The following AFF3 variants were observed in gnomAD, a reference collection of about 807,000 sequenced individuals.
AFF3 encodes ALF transcription elongation factor 3.
AFF3 carries 32 observed loss-of-function variants against 129.7 expected under a neutral mutation model. The observed-to-expected ratio is 0.25, with a 90% CI of 0.19 to 0.33. AFF3 has a LOEUF of 0.33. Among genes scored for constraint, AFF3 ranks in the 10% least tolerant of loss-of-function variants. AFF3 has a pLI of 1.00. For missense variants in AFF3, 1,373 were observed against 1,592.0 expected, an observed-to-expected ratio of 0.86 and a Z score of 2.34; for synonymous variants, 644 against 635.4, an observed-to-expected ratio of 1.01 and a Z score of -0.20.
At chr2:100,099,197 G>C (rs1433603229) in intron 4 of AFF3, among the ~76,000 whole-genome samples, 1 of 150,232 alleles carries the variant, frequency 6.7e-6, no homozygotes, top group Non-Finnish European at 1.5e-5. Flanking sequence ...CATAAGGACT[G>C]ACCAAAAGGA....
intron 8 of AFF3, among the ~76,000 whole-genome samples, chr2:99,786,670 A>G (rs942678335): frequency 1.3e-5 from 2 of 152,174 alleles, no homozygotes; most frequent in African/African-American, 4.8e-5. Context: ...GTAGTGCTAT[A>G]AAGTTGCATA....
At chr2:100,010,479 T>C (rs1478981057) in intron 4 of AFF3, among the ~76,000 whole-genome samples, 4 of 152,192 alleles carry the variant, frequency 2.6e-5, no homozygotes, top group Non-Finnish European at 5.9e-5. Context: ...TTAATTTAAA[T>C]TTAAGGTTAG....
chr2:100,139,473 A>T (rs1692774822), intron 1 of AFF3, among the ~76,000 whole-genome samples: 1 of 152,170 alleles, frequency 6.6e-6, no homozygotes, highest in Admixed American at 6.5e-5. Context: ...AATAAATCAA[A>T]TTGTCGTGTT....
At chr2:99,706,501 G>GCCT (rs1677404714) in intron 11 of AFF3, among the ~76,000 whole-genome samples, 1 of 152,196 alleles carries the variant, frequency 6.6e-6, no homozygotes, top group South Asian at 2.1e-4. Flanking sequence ...TCTGGAAAGA[G>GCCT]CCTGGCTTTG....
Position 99,745,040 on chromosome 2 carries a change from T to C in AFF3, c.1003-900A>G, listed in dbSNP as rs373040205. Among the ~76,000 whole-genome samples the C allele has an allele frequency of 9.5e-4, 145 of 152,286 alleles. 1 individual carries two copies. The highest frequency in any genetic ancestry group is 3.3e-3 in the African/African-American group (139 of 41,572). The stretch of plus-strand genomic sequence containing the variant: ...ATTTATCTACACCCTTGTCAATGCT[T>C]GTTATTTTCCATTAAAAAATGATAG... On this transcript the variant is annotated intron_variant, in intron 9 of 24. Transcript: ENST00000672756.
chr2:99,866,726 C>T (rs1359993082), intron 7 of AFF3, among the ~76,000 whole-genome samples: 1 of 151,974 alleles, frequency 6.6e-6, no homozygotes, highest in African/African-American at 2.4e-5. Flanking sequence ...CTTGTAATTC[C>T]AGCACTTTGG....
At chr2:99,947,649 T>TAGACAGACAGACAGAC (rs1182923875) in intron 7 of AFF3, among the ~76,000 whole-genome samples, 15 of 118,938 alleles carry the variant, frequency 1.3e-4, no homozygotes, top group South Asian at 5.6e-4. Context: ...GATAGATAGA[T>TAGACAGACAGACAGAC]AGATAGACAG....
chr2:99,659,328 T>A (rs1260447820), intron 12 of AFF3, among the ~76,000 whole-genome samples: 1 of 152,200 alleles, frequency 6.6e-6, no homozygotes, highest in Non-Finnish European at 1.5e-5. Flanking sequence ...CTAGCTACAA[T>A]TTCAAAGTGA....
At chr2:99,846,821 G>T (rs774947039) in intron 7 of AFF3, among the ~76,000 whole-genome samples, 1 of 152,158 alleles carries the variant, frequency 6.6e-6, no homozygotes, top group Admixed American at 6.5e-5. Context: ...CCCTTCCTAT[G>T]TCATGTTCTT....
At chr2:99,827,011 G>A (rs1191518709) in intron 8 of AFF3, among the ~76,000 whole-genome samples, 1 of 152,134 alleles carries the variant, frequency 6.6e-6, no homozygotes, top group Non-Finnish European at 1.5e-5. Flanking sequence ...TGAGTGTGAG[G>A]GAGAAGAAGA....
At chr2:99,904,828 G>A (rs1576319401) in intron 7 of AFF3, among the ~76,000 whole-genome samples, 1 of 152,006 alleles carries the variant, frequency 6.6e-6, no homozygotes, top group Non-Finnish European at 1.5e-5. Context: ...ACTAACATAG[G>A]TGGGTCCTCT....
chr2:100,046,886 G>A (rs867802237), intron 4 of AFF3, among the ~76,000 whole-genome samples: 4 of 151,756 alleles, frequency 2.6e-5, no homozygotes, highest in South Asian at 2.1e-4. Context: ...AAGTTCAACC[G>A]TCTAAACTCA....
intron 5 of AFF3, 37 bp downstream of exon 5, chr2:100,008,775 A>C: frequency 6.2e-7 from 1 of 1,604,416 alleles, no homozygotes; most frequent in Non-Finnish European, 8.5e-7. Flanking sequence ...GAGAGAAACA[A>C]GTGAGAGGTA....
At chr2:99,602,338 C>T (rs1003901466) in intron 13 of AFF3, among the ~76,000 whole-genome samples, 2 of 152,140 alleles carry the variant, frequency 1.3e-5, no homozygotes, top group African/African-American at 2.4e-5. Context: ...AATTCAATCC[C>T]GGTGCTGTGA....
chr2:99,644,346 T>C (rs1168103976), intron 13 of AFF3, among the ~76,000 whole-genome samples: 6 of 151,096 alleles, frequency 4.0e-5, no homozygotes, highest in African/African-American at 1.5e-4. Flanking sequence ...TTTTTGCTCG[T>C]TCCTCTCTCT....
intron 11 of AFF3, among the ~76,000 whole-genome samples, chr2:99,708,979 C>G (rs1168031452): frequency 1.3e-5 from 2 of 151,904 alleles, no homozygotes; most frequent in Non-Finnish European, 2.9e-5. Flanking sequence ...TAATTCAATT[C>G]AAAGAATAAT....
rs1048653081 is a variant in AFF3 at position 99,593,270 on chromosome 2, A to C, written c.2391T>G (p.Ser797=). 11 of 1,613,546 alleles carry C rather than the reference A, an allele frequency of 6.8e-6. No individual in the cohort carries two copies. The highest frequency in any genetic ancestry group is 9.3e-6 in the Non-Finnish European group (11 of 1,179,632). The part of the protein sequence containing the change: ...GVLSAPATKD[S]ESAPPSHTSD... ...AGGTGTGGCTGGGCGGTGCGCTCTC[A>C]GAGTCCTTGGTGGCAGGGGCGCTCA... The change falls in exon 15 of 25, where the codon TCT becomes TCG. Residue 797 remains serine (S), a synonymous_variant. Coordinates refer to ENST00000672756, the MANE Select transcript of AFF3 (RefSeq NM_001386135.1).
At chr2:99,789,356 G>A (rs1345132824) in intron 8 of AFF3, among the ~76,000 whole-genome samples, 1 of 147,886 alleles carries the variant, frequency 6.8e-6, no homozygotes, top group African/African-American at 2.5e-5. Flanking sequence ...GCTGGGGCGG[G>A]AGGATTGCTT....
intron 10 of AFF3, among the ~76,000 whole-genome samples, chr2:99,741,945 G>C (rs1437207767): frequency 6.6e-6 from 1 of 152,164 alleles, no homozygotes; most frequent in Non-Finnish European, 1.5e-5. Context: ...GGGAAATGCT[G>C]GTGGGGTCAG....
Sources: allele counts gnomAD v4.1 joint callset (sites outside exome capture counted in the v4.1 genomes callset), GRCh38; gene constraint gnomAD v4.1.1; transcripts MANE v1.5; gene names NCBI Gene and HGNC (gene_info 2026-07-23, HGNC 2026-07-21).